CDIN1: variants seen among roughly 807,000 people sequenced by gnomAD.
The protein encoded by CDIN1 is CDAN1-interacting nuclease 1.
Under a neutral mutation model 45.3 loss-of-function variants are expected in CDIN1, and 33 were observed. That is an observed-to-expected ratio of 0.73 (90% CI 0.55 to 0.97). The LOEUF is 0.97. Among genes scored for constraint, CDIN1 ranks in the 50% least tolerant of loss-of-function variants. The pLI is 0.00. For synonymous variants in CDIN1, 118 were observed against 124.4 expected, an observed-to-expected ratio of 0.95 and a Z score of 0.34; for missense variants, 303 against 339.4, an observed-to-expected ratio of 0.89 and a Z score of 0.84.
At chr15:36,740,940 AT>A (rs1201958346) in intron 10 of CDIN1, among the ~76,000 whole-genome samples, 1 of 149,062 alleles carries the variant, frequency 6.7e-6, no homozygotes, top group East Asian at 1.9e-4. Context: ...TTTTTTTTTT[AT>A]TTTTATTTAT....
intron 10 of CDIN1, among the ~76,000 whole-genome samples, chr15:36,781,710 A>G (rs1188603433): frequency 6.6e-6 from 1 of 152,246 alleles, no homozygotes; most frequent in Non-Finnish European, 1.5e-5. Context: ...CACAGAGGCC[A>G]GGAGCCATGA....
In CDIN1 at chr15:36,669,015, G is replaced by A. The variant is rs1438388173; in HGVS notation, c.346+11110G>A. The A allele has an allele frequency of 7.2e-5, 11 of 152,052 alleles. No homozygotes were observed. In the South Asian group the frequency reaches 1.0e-3, roughly 14 times the overall value. The allele number at this position is 152,052 out of a possible 1,614,324, so 9.4% of individuals were successfully genotyped here. A position where few individuals can be genotyped will look rare whatever the true frequency, so the allele number is the denominator to read the frequency against. The stretch of plus-strand genomic sequence containing the variant: ...GAAGGATTAATTTCCCTTCTTCTTC[G>A]TTAGGTACTCTTGAATTGTGAATTC... On this transcript the variant is annotated intron_variant, in intron 5 of 10. Transcript: ENST00000566621.
At chr15:36,723,381 G>C (rs1474010459) in intron 10 of CDIN1, among the ~76,000 whole-genome samples, 4 of 151,860 alleles carry the variant, frequency 2.6e-5, no homozygotes, top group African/African-American at 9.7e-5. Flanking sequence ...TTGATAACCA[G>C]CTGCAGTATT....
At chr15:36,653,507 T>TG (rs1244064423) in intron 3 of CDIN1, among the ~76,000 whole-genome samples, 5 of 151,806 alleles carry the variant, frequency 3.3e-5, no homozygotes, top group African/African-American at 1.2e-4. Context: ...TTGTTTTGTT[T>TG]GGGGATTTTG....
intron 1 of CDIN1, among the ~76,000 whole-genome samples, chr15:36,632,609 A>C (rs556812647): frequency 2.6e-5 from 4 of 152,070 alleles, no homozygotes; most frequent in East Asian, 1.9e-4. Context: ...TGCATCTCAC[A>C]CTTTGTGGGA....
At chr15:36,677,485 G>A (rs2140584229) in intron 5 of CDIN1, among the ~76,000 whole-genome samples, 1 of 152,170 alleles carries the variant, frequency 6.6e-6, no homozygotes, top group South Asian at 2.1e-4. Flanking sequence ...CTTCTTAGGG[G>A]TGACCACATG....
intron 10 of CDIN1, chr15:36,798,774 GAA>G (rs898849558): frequency 1.3e-5 from 2 of 152,148 alleles, no homozygotes; most frequent in Non-Finnish European, 2.9e-5. Context: ...AGGGCTACTT[GAA>G]AAAGACATAT....
At position 36,623,401 on chromosome 15, in the gene CDIN1, T is replaced by TTA. The variant is rs529502037; in HGVS notation, c.102-20876_102-20875dup. 1.6e-3 allele frequency among the ~76,000 whole-genome samples: 240 copies of TTA among 152,350 alleles called. 1 individual carries two copies. The highest frequency in any genetic ancestry group is 3.4e-3 in the Middle Eastern group (1 of 294). On this transcript the variant is annotated intron_variant, in intron 1 of 10. Transcript: ENST00000566621. ...AATATAACTTTATATATTTTTTACT[T>TTA]TAAATTATATTTATTTACAGCCAGT...
chr15:36,668,567 C>G (rs1054547889), intron 5 of CDIN1, among the ~76,000 whole-genome samples: 1 of 152,062 alleles, frequency 6.6e-6, no homozygotes, highest in African/African-American at 2.4e-5. Flanking sequence ...AAGCAATGAA[C>G]GAGTGGGAGA....
At chr15:36,637,744 G>A (rs116451087) in intron 1 of CDIN1, among the ~76,000 whole-genome samples, 1,582 of 152,272 alleles carry the variant, frequency 0.01, 23 homozygotes, top group African/African-American at 0.036. Context: ...TATAAGTGAT[G>A]AAAATGAATT....
intron 10 of CDIN1, among the ~76,000 whole-genome samples, chr15:36,758,071 G>A (rs1162479710): frequency 6.6e-6 from 1 of 151,842 alleles, no homozygotes; most frequent in Non-Finnish European, 1.5e-5. Context: ...GTACTATCAT[G>A]GTTTTAGGCA....
At position 36,607,741 on chromosome 15, in the gene CDIN1, T is replaced by G. The variant is rs116373501; in HGVS notation, c.101+27780T>G. Among the ~76,000 whole-genome samples the G allele has an allele frequency of 2.4e-3, 363 of 152,330 alleles. 2 individuals carry two copies. Among genetic ancestry groups the G allele is most frequent in the African/African-American group, 8.3e-3 (347 of 41,574 alleles). ...TCACATACTGCAACATTCACCCTTT[T>G]TAAGTGTACAATTCAGTGACTTTTA... On this transcript the variant is annotated intron_variant, in intron 1 of 10. Coordinates refer to ENST00000566621, the MANE Select transcript of CDIN1 (RefSeq NM_001321759.2).
chr15:36,581,149 A>G (rs1033351121), intron 1 of CDIN1, among the ~76,000 whole-genome samples: 2 of 152,210 alleles, frequency 1.3e-5, no homozygotes, highest in African/African-American at 2.4e-5. Context: ...ATTTTCTGTC[A>G]TTAACTCTTG....
intron 10 of CDIN1, among the ~76,000 whole-genome samples, chr15:36,713,020 CTATTA>C (rs2043108866): frequency 6.6e-6 from 1 of 152,138 alleles, no homozygotes; most frequent in Non-Finnish European, 1.5e-5. Flanking sequence ...AATTTGGCAT[CTATTA>C]CTAAGTATAC....
intron 1 of CDIN1, among the ~76,000 whole-genome samples, chr15:36,637,899 T>G (rs1294231715): frequency 6.6e-6 from 1 of 152,134 alleles, no homozygotes; most frequent in Non-Finnish European, 1.5e-5. Context: ...GGGACATATT[T>G]GGGTGGTAAA....
chr15:36,617,551 T>G (rs2038952183), intron 1 of CDIN1: 1 of 804,940 alleles, frequency 1.2e-6, no homozygotes, highest in Admixed American at 1.7e-5. Context: ...CATCCCAATT[T>G]GGACAGTTGT....
chr15:36,631,077 A>G (rs906557711), intron 1 of CDIN1, among the ~76,000 whole-genome samples: 3 of 152,206 alleles, frequency 2.0e-5, no homozygotes, highest in Admixed American at 1.3e-4. Context: ...AAAGAAAACT[A>G]GTATTTTGAA....
chr15:36,714,766 A>G (rs977058378), intron 10 of CDIN1, among the ~76,000 whole-genome samples: 3 of 152,156 alleles, frequency 2.0e-5, no homozygotes, highest in African/African-American at 7.2e-5. Context: ...CTCTCAGGCC[A>G]GAGTTGCACA....
chr15:36,694,288 A>G (rs572761041), intron 7 of CDIN1, among the ~76,000 whole-genome samples: 3 of 152,314 alleles, frequency 2.0e-5, no homozygotes, highest in African/African-American at 7.2e-5. Flanking sequence ...CAGCATAATT[A>G]TTTTATTTCA....
Sources: gnomAD v4.1 joint callset for allele counts (sites outside exome capture counted in the v4.1 genomes callset) on GRCh38, gnomAD v4.1.1 for gene constraint, MANE v1.5 for transcripts, NCBI Gene and HGNC (gene_info 2026-07-23, HGNC 2026-07-21) for gene names.